Variants in MYO1D observed in about 807,000 individuals in gnomAD.
The protein encoded by MYO1D is myosin ID, also known as unconventional myosin-Id.
A neutral mutation model predicts 122.0 loss-of-function variants in MYO1D; 83 were observed. The ratio of observed to expected loss-of-function variants is 0.68; its 90% CI spans 0.57 to 0.82. MYO1D has a LOEUF of 0.82. Among genes scored for constraint, MYO1D ranks in the 40% least tolerant of loss-of-function variants. The pLI, the probability that MYO1D is intolerant of heterozygous loss-of-function variation, is 0.00. For synonymous variants in MYO1D, 464 were observed against 446.9 expected (o/e 1.04, Z -0.48); for missense variants, 1,157 against 1,269.5 (o/e 0.91, Z 1.35).
chr17:32,594,369 T>C (rs981939566), intron 21 of MYO1D: 6 of 422,092 alleles, frequency 1.4e-5, no homozygotes, highest in Non-Finnish European at 2.5e-5. Context: ...TTTTCTGCAA[T>C]ATCAACTGTG....
At chr17:32,690,138 A>G (rs1471747421) in intron 16 of MYO1D, among the ~76,000 whole-genome samples, 2 of 151,828 alleles carry the variant, frequency 1.3e-5, no homozygotes, top group Non-Finnish European at 2.9e-5. Flanking sequence ...AGAATGTATA[A>G]AGATCAAGTT....
chr17:32,508,211 T>A (rs967363706), intron 21 of MYO1D, among the ~76,000 whole-genome samples: 5 of 152,026 alleles, frequency 3.3e-5, no homozygotes, highest in African/African-American at 9.7e-5. Flanking sequence ...TGGACTTTTA[T>A]CTGGGACTTC....
chr17:32,649,885 C>T (rs965897254), intron 19 of MYO1D, among the ~76,000 whole-genome samples: 3 of 152,094 alleles, frequency 2.0e-5, no homozygotes, highest in Non-Finnish European at 4.4e-5. Flanking sequence ...ACCACATTTT[C>T]TTAATTCATT....
At chr17:32,755,960 G>T (rs1359548302) in intron 10 of MYO1D, among the ~76,000 whole-genome samples, 9 of 152,086 alleles carry the variant, frequency 5.9e-5, no homozygotes, top group Non-Finnish European at 1.5e-5. Flanking sequence ...CCTGCCTCCA[G>T]ATCCCACACC....
At chr17:32,559,711 C>A (rs920844249) in intron 21 of MYO1D, among the ~76,000 whole-genome samples, 3 of 152,188 alleles carry the variant, frequency 2.0e-5, no homozygotes, top group Non-Finnish European at 4.4e-5. Flanking sequence ...ACACTTCTGG[C>A]ACTTTGTTAC....
chr17:32,577,269 C>G (rs2087287544), intron 21 of MYO1D, among the ~76,000 whole-genome samples: 1 of 149,896 alleles, frequency 6.7e-6, no homozygotes, highest in Admixed American at 6.6e-5. Flanking sequence ...AAAAAAAAAG[C>G]ATGAGGTACC....
chr17:32,840,121 G>A (rs1343121234), intron 1 of MYO1D, among the ~76,000 whole-genome samples: 3 of 152,194 alleles, frequency 2.0e-5, no homozygotes, highest in African/African-American at 7.2e-5. Context: ...AAAGAGAGAT[G>A]TAGTTCTTAT....
At position 32,511,183 on chromosome 17, in the gene MYO1D, C is replaced by T. The variant is rs541633620; in HGVS notation, c.2865-16268G>A. On this transcript the variant is annotated intron_variant, in intron 21 of 21. Coordinates refer to ENST00000318217, the MANE Select transcript of MYO1D (RefSeq NM_015194.3). The stretch of plus-strand genomic sequence containing the variant: ...CCCCTTCTCTTCACGTCTCTTCCTT[C>T]TTCTACCTCCCCTACTCTCCTTAAA... Among the ~76,000 whole-genome samples the T allele has an allele frequency of 4.1e-3, 621 of 151,892 alleles. 4 individuals are homozygous for T. Among genetic ancestry groups the T allele is most frequent in the Non-Finnish European group, 6.9e-3 (470 of 67,914 alleles).
At chr17:32,715,102 C>A (rs912493966) in intron 15 of MYO1D, among the ~76,000 whole-genome samples, 1 of 152,072 alleles carries the variant, frequency 6.6e-6, no homozygotes, top group African/African-American at 2.4e-5. Context: ...CAAATCAAAA[C>A]CACAATGAGA....
At chr17:32,654,990 C>G (rs1269034453) in intron 17 of MYO1D, among the ~76,000 whole-genome samples, 1 of 152,120 alleles carries the variant, frequency 6.6e-6, no homozygotes, top group Non-Finnish European at 1.5e-5. Flanking sequence ...CATGCATTCT[C>G]AAAAATAACT....
At position 32,563,781 on chromosome 17, in the gene MYO1D, G is replaced by T. The variant is rs1054965548; in HGVS notation, c.2864+41306C>A. On this transcript the variant is annotated intron_variant, in intron 21 of 21. Coordinates refer to ENST00000318217, the MANE Select transcript of MYO1D (RefSeq NM_015194.3). ...GCGTGGCTTCCTCATTCCTCACCCT[G>T]TCCCTTTGCTGCACACGTGGCATTC... Among the ~76,000 whole-genome samples, 11 of 152,172 alleles carry T rather than the reference G, an allele frequency of 7.2e-5. No individual in the cohort carries two copies. In the South Asian group the frequency reaches 8.3e-4, roughly 11 times the overall value.
At chr17:32,847,997 G>C (rs1364998296) in intron 1 of MYO1D, among the ~76,000 whole-genome samples, 10 of 152,176 alleles carry the variant, frequency 6.6e-5, no homozygotes, top group African/African-American at 4.8e-5. Context: ...ATTTCCTACA[G>C]GGTACCTGCT....
intron 20 of MYO1D, among the ~76,000 whole-genome samples, chr17:32,605,787 C>A (rs971665701): frequency 6.6e-6 from 1 of 151,978 alleles, no homozygotes; most frequent in Non-Finnish European, 1.5e-5. Flanking sequence ...TTAGTTAAAA[C>A]CAAATAATTC....
At chr17:32,825,760 AG>A (rs2090716591) in intron 1 of MYO1D, among the ~76,000 whole-genome samples, 1 of 152,224 alleles carries the variant, frequency 6.6e-6, no homozygotes, top group Non-Finnish European at 1.5e-5. Flanking sequence ...TACCATAGCC[AG>A]GTGTGGTAGC....
intron 14 of MYO1D, among the ~76,000 whole-genome samples, chr17:32,733,155 C>G (rs2089659963): frequency 6.6e-6 from 1 of 152,196 alleles, no homozygotes; most frequent in Non-Finnish European, 1.5e-5. Flanking sequence ...GTAGGGCAAG[C>G]TGAGTGCAGC....
intron 1 of MYO1D, among the ~76,000 whole-genome samples, chr17:32,836,283 T>A (rs572965478): frequency 6.6e-6 from 1 of 152,236 alleles, no homozygotes; most frequent in African/African-American, 2.4e-5. Flanking sequence ...TACTGAAGCT[T>A]AGGAAAATTA....
intron 1 of MYO1D, among the ~76,000 whole-genome samples, chr17:32,791,553 GAT>G (rs1006704254): frequency 6.6e-6 from 1 of 152,012 alleles, no homozygotes; most frequent in African/African-American, 2.4e-5. Context: ...ATAGGGGCCT[GAT>G]GTCTCCAATT....
intron 16 of MYO1D, among the ~76,000 whole-genome samples, chr17:32,687,005 A>ACC (rs2089022087): frequency 6.9e-6 from 1 of 145,644 alleles, no homozygotes; most frequent in African/African-American, 2.6e-5. Flanking sequence ...ACACACACAC[A>ACC]CCAAAAAACA....
At chr17:32,859,514 A>G (rs976432884) in intron 1 of MYO1D, among the ~76,000 whole-genome samples, 2 of 152,156 alleles carry the variant, frequency 1.3e-5, no homozygotes, top group African/African-American at 4.8e-5. Flanking sequence ...CCCCAACCCA[A>G]TGGCTTTAGG....
Sources: allele counts gnomAD v4.1 joint callset (sites outside exome capture counted in the v4.1 genomes callset), GRCh38; gene constraint gnomAD v4.1.1; transcripts MANE v1.5; gene names NCBI Gene and HGNC (gene_info 2026-07-23, HGNC 2026-07-21).